The following TMC1 variants were observed in gnomAD, a reference collection of about 807,000 sequenced individuals.
TMC1 encodes transmembrane channel-like protein 1.
Under a neutral mutation model 105.8 loss-of-function variants are expected in TMC1, and 84 were observed. The observed-to-expected ratio is 0.79, with a 90% CI of 0.67 to 0.95. The LOEUF is 0.95. Ranked by LOEUF, TMC1 falls within the 40% of genes least tolerant of loss-of-function variation. The probability of loss-of-function intolerance (pLI) is 0.00; values close to 1 mark genes in which losing one functional copy is unlikely to be tolerated. For missense variants in TMC1, 817 were observed against 914.1 expected, an observed-to-expected ratio of 0.89 and a Z score of 1.37; for synonymous variants, 315 against 311.5, an observed-to-expected ratio of 1.01 and a Z score of -0.12.
chr9:72,834,704 T>C (rs1409447011), intron 23 of TMC1, among the ~76,000 whole-genome samples: 1 of 152,140 alleles, frequency 6.6e-6, no homozygotes, highest in African/African-American at 2.4e-5. Context: ...CCCAGAAGCA[T>C]CTCTGTTTTA....
chr9:72,658,321 G>A (rs1825914071), intron 5 of TMC1, among the ~76,000 whole-genome samples: 1 of 150,446 alleles, frequency 6.6e-6, no homozygotes, highest in African/African-American at 2.4e-5. Flanking sequence ...GTGAGAGGGT[G>A]AGACTCCGTC....
chr9:72,778,327 T>C (rs1385931526), intron 13 of TMC1, among the ~76,000 whole-genome samples: 1 of 152,176 alleles, frequency 6.6e-6, no homozygotes, highest in Non-Finnish European at 1.5e-5. Context: ...AGGAAGGATG[T>C]AGACTCTGTG....
intron 2 of TMC1, among the ~76,000 whole-genome samples, chr9:72,582,839 A>G (rs1824496285): frequency 6.6e-6 from 1 of 152,234 alleles, no homozygotes; most frequent in African/African-American, 2.4e-5. Flanking sequence ...AACCCACACT[A>G]AACCTCAGAA....
intron 12 of TMC1, among the ~76,000 whole-genome samples, chr9:72,766,012 G>A (rs1827827616): frequency 1.3e-5 from 2 of 152,166 alleles, no homozygotes; most frequent in African/African-American, 4.8e-5. Flanking sequence ...TACGACCTAT[G>A]AGATATTAGA....
chr9:72,777,009 TA>T (rs528426474), intron 13 of TMC1, among the ~76,000 whole-genome samples: 1 of 150,254 alleles, frequency 6.7e-6, no homozygotes, highest in Admixed American at 6.7e-5. Flanking sequence ...AACGTTTTGT[TA>T]AAAAAAAAAT....
intron 1 of TMC1, among the ~76,000 whole-genome samples, chr9:72,548,917 T>A (rs927127550): frequency 6.6e-6 from 1 of 152,240 alleles, no homozygotes; most frequent in Non-Finnish European, 1.5e-5. Flanking sequence ...GGTACACACA[T>A]GCCCACGAGA....
chr9:72,758,805 A>T (rs1827710299), intron 12 of TMC1, among the ~76,000 whole-genome samples: 1 of 152,204 alleles, frequency 6.6e-6, no homozygotes. Context: ...TGTTTTTATT[A>T]TCATTTTTGT....
At chr9:72,535,048 G>C (rs911510399) in intron 1 of TMC1, among the ~76,000 whole-genome samples, 48 of 119,684 alleles carry the variant, frequency 4.0e-4, no homozygotes, top group African/African-American at 1.2e-3. Context: ...ATCTCTTAGA[G>C]AGAGAGAAAA....
At chr9:72,787,217 G>A (rs1035485798) in intron 13 of TMC1, among the ~76,000 whole-genome samples, 3 of 152,062 alleles carry the variant, frequency 2.0e-5, no homozygotes, top group Non-Finnish European at 4.4e-5. Context: ...TTGACTTCTT[G>A]CTGAGATTTT....
At chr9:72,555,760 A>G (rs1823919557) in intron 1 of TMC1, among the ~76,000 whole-genome samples, 1 of 151,870 alleles carries the variant, frequency 6.6e-6, no homozygotes, top group South Asian at 2.1e-4. Flanking sequence ...AGCTGGGATT[A>G]CAGGCATGTG....
At chr9:72,552,980 AT>A (rs541819412) in intron 1 of TMC1, among the ~76,000 whole-genome samples, 31 of 150,010 alleles carry the variant, frequency 2.1e-4, no homozygotes, top group African/African-American at 4.6e-4. Flanking sequence ...TATATATATA[AT>A]TTTTTTTTTG....
chr9:72,671,326 C>A lies in TMC1; in HGVS notation c.17-17383C>A, dbSNP rs545090505. Among the ~76,000 whole-genome samples the A allele has an allele frequency of 3.9e-5, 6 of 152,286 alleles. No homozygotes were observed. The South Asian group carries it at 1.2e-3, about 32-fold the overall frequency. On this transcript the variant is annotated intron_variant, in intron 5 of 23. Transcript: ENST00000297784. ...GGGAGGGCACCTCTCACATGAGGGA[C>A]TTATGATCTGCTTCAGAGAAGTGCC...
At chr9:72,650,708 C>T (rs1825789973) in intron 5 of TMC1, among the ~76,000 whole-genome samples, 1 of 151,304 alleles carries the variant, frequency 6.6e-6, no homozygotes, top group Non-Finnish European at 1.5e-5. Context: ...TCTTTGTTTT[C>T]ATAAGTTCTT....
Position 72,742,436 on chromosome 9 carries a change from C to A in TMC1, c.454-8C>A. The A allele has an allele frequency of 6.2e-7, 1 of 1,613,146 alleles. No homozygotes were observed. The highest frequency in any genetic ancestry group is 8.5e-7 in the Non-Finnish European group (1 of 1,179,234). On this transcript the variant is annotated splice_region_variant and splice_polypyrimidine_tract_variant and intron_variant, in intron 9 of 23. Transcript: ENST00000297784. The stretch of plus-strand genomic sequence containing the variant: ...GGACTTTACTTTTGTATTTGACTTT[C>A]TTTTCAGAAATGGGCAAAATTCCTC...
At chr9:72,725,643 G>A (rs906612942) in intron 8 of TMC1, among the ~76,000 whole-genome samples, 57 of 151,844 alleles carry the variant, frequency 3.8e-4, no homozygotes, top group African/African-American at 1.4e-3. Context: ...GTGCCCACCA[G>A]ATTAAGGGTG....
chr9:72,670,184 G>C (rs1323093135), intron 5 of TMC1, among the ~76,000 whole-genome samples: 1 of 152,150 alleles, frequency 6.6e-6, no homozygotes, highest in Non-Finnish European at 1.5e-5. Flanking sequence ...GCTGGAGAAA[G>C]AACCTCTGAA....
chr9:72,699,317 G>A (rs1415076574), intron 7 of TMC1, among the ~76,000 whole-genome samples: 1 of 152,126 alleles, frequency 6.6e-6, no homozygotes, highest in Non-Finnish European at 1.5e-5. Context: ...CTCTTCAAAG[G>A]ATTCACTTCC....
intron 5 of TMC1, among the ~76,000 whole-genome samples, chr9:72,657,381 A>T (rs898818833): frequency 3.9e-5 from 6 of 152,214 alleles, no homozygotes; most frequent in African/African-American, 1.4e-4. Context: ...CTGGCTTTCT[A>T]GTTGCTTAAG....
chr9:72,675,109 A>G (rs892595964), intron 5 of TMC1, among the ~76,000 whole-genome samples: 18 of 152,180 alleles, frequency 1.2e-4, no homozygotes, highest in Admixed American at 1.2e-3. Flanking sequence ...ACATATGCAC[A>G]CATACACATA....
Sources: gnomAD v4.1 joint callset for allele counts (sites outside exome capture counted in the v4.1 genomes callset) on GRCh38, gnomAD v4.1.1 for gene constraint, MANE v1.5 for transcripts, NCBI Gene and HGNC (gene_info 2026-07-23, HGNC 2026-07-21) for gene names.